GRIA3: variants seen among roughly 807,000 people sequenced by gnomAD.
GRIA3 encodes glutamate receptor 3.
GRIA3 carries 3 observed loss-of-function variants against 63.0 expected under a neutral mutation model. The observed-to-expected ratio is 0.05, with a 90% CI of 0.02 to 0.12. The LOEUF is 0.12. GRIA3 is among the 10% of genes least tolerant of loss of function. The pLI is 1.00. For synonymous variants in GRIA3, 274 were observed against 257.9 expected (o/e 1.06, Z -0.60); for missense variants, 347 against 700.9 (o/e 0.50, Z 5.70).
chrX:123,262,464 A>C (rs375285689), intron 3 of GRIA3, among the ~76,000 whole-genome samples: 29 of 111,643 alleles, frequency 2.6e-4, no homozygotes, highest in African/African-American at 9.4e-4. Context: ...TATCCAGCCC[A>C]AGATGTCAAC....
At chrX:123,465,606 T>C in intron 13 of GRIA3, 1 of 882,510 alleles carries the variant, frequency 1.1e-6, no homozygotes, top group Admixed American at 2.3e-5. Flanking sequence ...CTTGTGCTCC[T>C]TTTTATACGT....
At chrX:123,270,709 T>C (rs2044516175) in intron 3 of GRIA3, among the ~76,000 whole-genome samples, 1 of 112,645 alleles carries the variant, frequency 8.9e-6, no homozygotes, top group South Asian at 3.7e-4. Context: ...GCAATGATTA[T>C]AGTATCTACT....
chrX:123,194,179 C>T (rs1424386785), intron 2 of GRIA3, among the ~76,000 whole-genome samples: 6 of 110,637 alleles, frequency 5.4e-5, no homozygotes, highest in Non-Finnish European at 1.1e-4. Flanking sequence ...CAGGATTTTC[C>T]ACAGTTACTG....
intron 13 of GRIA3, among the ~76,000 whole-genome samples, chrX:123,474,425 T>C (rs909539825): frequency 1.8e-5 from 2 of 112,312 alleles, no homozygotes; most frequent in African/African-American, 6.5e-5. Flanking sequence ...GGCTCACACC[T>C]GTAATCCCAG....
chrX:123,440,203 G>T (rs946488949), intron 12 of GRIA3, among the ~76,000 whole-genome samples: 8 of 112,295 alleles, frequency 7.1e-5, no homozygotes, highest in African/African-American at 2.6e-4. Flanking sequence ...TCATTGACGG[G>T]CATTTAAGTT....
chrX:123,213,714 T>C (rs1366970785), intron 2 of GRIA3, among the ~76,000 whole-genome samples: 1 of 112,389 alleles, frequency 8.9e-6, no homozygotes, highest in Non-Finnish European at 1.9e-5. Context: ...AACACAGGGT[T>C]ACAGCATTCC....
intron 5 of GRIA3, among the ~76,000 whole-genome samples, chrX:123,369,463 G>A (rs1337534901): frequency 1.8e-5 from 2 of 111,860 alleles, no homozygotes; most frequent in Non-Finnish European, 3.8e-5. Context: ...AATTCCTGTC[G>A]AAGATTCGCT....
chrX:123,219,743 G>C (rs2147264868), intron 2 of GRIA3, among the ~76,000 whole-genome samples: 1 of 112,129 alleles, frequency 8.9e-6, no homozygotes, highest in Admixed American at 9.4e-5. Context: ...CCTTGCTCCA[G>C]GGCTACAGCT....
chrX:123,445,330 C>T (rs941994740), intron 12 of GRIA3, among the ~76,000 whole-genome samples: 1 of 111,641 alleles, frequency 9.0e-6, no homozygotes, highest in African/African-American at 3.3e-5. Context: ...TTATGAAGAC[C>T]AGATCAGTTT....
intron 2 of GRIA3, among the ~76,000 whole-genome samples, chrX:123,206,372 A>T (rs1431115427): frequency 1.8e-5 from 2 of 111,771 alleles, no homozygotes; most frequent in Non-Finnish European, 3.8e-5. Flanking sequence ...TCCCTCTTGC[A>T]TATATTCCAT....
Position 123,463,713 on chromosome X carries a change from A to AG in GRIA3, c.2077-1152_2077-1151insG, listed in dbSNP as rs1569440945. Among the ~76,000 whole-genome samples, 6 of 102,995 alleles carry AG rather than the reference A, an allele frequency of 5.8e-5. 1 individual carries two copies. Among genetic ancestry groups the AG allele is most frequent in the African/African-American group, 2.0e-4 (5 of 25,593 alleles). The allele number at this position is 102,995 out of a possible 115,157, so 89.4% of individuals were successfully genotyped here. A position where few individuals can be genotyped will look rare whatever the true frequency, so the allele number is the denominator to read the frequency against. On this transcript the variant is annotated intron_variant, in intron 12 of 15. Transcript: ENST00000620443. ...GAGAAAGAAAGAAAAAGAAAGAAAGAAAGAAAGAAAGAGAAAGAAGAGAGA... is the reference window on the plus strand; with the variant it reads ...GAGAAAGAAAGAAAAAGAAAGAAAGAGAAGAAAGAAAGAGAAAGAAGAGAGA...
chrX:123,317,671 C>T (rs185448653), intron 3 of GRIA3, among the ~76,000 whole-genome samples: 1 of 112,105 alleles, frequency 8.9e-6, no homozygotes, highest in Non-Finnish European at 1.9e-5. Flanking sequence ...GGCAGCTCCA[C>T]CCCTGTGGCT....
chrX:123,442,765 C>T, intron 12 of GRIA3, among the ~76,000 whole-genome samples: 1 of 111,126 alleles, frequency 9.0e-6, no homozygotes, highest in African/African-American at 3.3e-5. Context: ...AAAGCAGCAT[C>T]CTAAATGATT....
chrX:123,262,673 C>T (rs2044466594), intron 3 of GRIA3, among the ~76,000 whole-genome samples: 1 of 111,943 alleles, frequency 8.9e-6, no homozygotes, highest in Non-Finnish European at 1.9e-5. Context: ...TGCACAGAAG[C>T]AAATATTAGT....
At chrX:123,456,817 T>C (rs2045764258) in intron 12 of GRIA3, among the ~76,000 whole-genome samples, 1 of 111,576 alleles carries the variant, frequency 9.0e-6, no homozygotes, top group African/African-American at 3.3e-5. Context: ...TGCTCCTGAA[T>C]GTTAGAGAAG....
chrX:123,490,035 C>T lies in GRIA3; in HGVS notation c.*1325C>T, dbSNP rs899666771. 8.9e-6 allele frequency: 1 copy of T among 112,460 alleles called. No homozygotes were observed. The highest frequency in any genetic ancestry group is 3.2e-5 in the African/African-American group (1 of 30,875). The allele number at this position is 112,460 out of a possible 1,213,427, so 9.3% of individuals were successfully genotyped here. A position where few individuals can be genotyped will look rare whatever the true frequency, so the allele number is the denominator to read the frequency against. Reference sequence around the variant, plus strand: ...GGCTATCAAGTAACTAACTGCATACCTGCCGTTGGCATCATCAGAACAGTC... The same window carrying T: ...GGCTATCAAGTAACTAACTGCATACTTGCCGTTGGCATCATCAGAACAGTC... On this transcript the variant is annotated 3_prime_UTR_variant, in exon 16 of 16. Transcript: ENST00000620443.
At chrX:123,318,961 A>C in intron 3 of GRIA3, among the ~76,000 whole-genome samples, 1 of 112,199 alleles carries the variant, frequency 8.9e-6, no homozygotes, top group South Asian at 3.7e-4. Context: ...TCATGGCAGG[A>C]AGCAAAAGGC....
chrX:123,476,427 C>T (rs1015557727), intron 13 of GRIA3, among the ~76,000 whole-genome samples: 1 of 111,721 alleles, frequency 9.0e-6, no homozygotes, highest in African/African-American at 3.3e-5. Context: ...CTAGGTAACA[C>T]ATCTAATAAG....
rs1203767540 is a variant in GRIA3 at position 123,239,229 on chromosome X, T to C, written c.269-14074T>C. On this transcript the variant is annotated intron_variant, in intron 2 of 15. Transcript: ENST00000620443. ...ATCCCCAACTGGAGAGTCATTCTCC[T>C]AGAGGACAACTAAAAGACTCAGATC... is the stretch of plus-strand genomic sequence containing the variant. Among the ~76,000 whole-genome samples the C allele has an allele frequency of 3.6e-5, 4 of 109,809 alleles. No homozygotes were observed. The East Asian group carries it at 1.1e-3, about 32-fold the overall frequency.
Sources: gnomAD v4.1 joint callset for allele counts (sites outside exome capture counted in the v4.1 genomes callset) on GRCh38, gnomAD v4.1.1 for gene constraint, MANE v1.5 for transcripts, NCBI Gene and HGNC (gene_info 2026-07-23, HGNC 2026-07-21) for gene names.